Variants in LARGE1 observed in about 807,000 individuals in gnomAD.
The protein encoded by LARGE1 is xylosyl- and glucuronyltransferase LARGE1.
LARGE1 carries 43 observed loss-of-function variants against 87.6 expected under a neutral mutation model. That is an observed-to-expected ratio of 0.49 (90% CI 0.38 to 0.63). LARGE1 has a LOEUF of 0.63. Ranked by LOEUF, LARGE1 falls within the 30% of genes least tolerant of loss-of-function variation. The probability of loss-of-function intolerance (pLI) is 0.00; values close to 1 mark genes in which losing one functional copy is unlikely to be tolerated. For synonymous variants in LARGE1, 434 were observed against 394.6 expected (o/e 1.10, Z -1.18); for missense variants, 802 against 1,000.2 (o/e 0.80, Z 2.67).
chr22:33,465,865 C>T (rs2068586555), intron 6 of LARGE1, among the ~76,000 whole-genome samples: 2 of 152,322 alleles, frequency 1.3e-5, no homozygotes, highest in African/African-American at 2.4e-5. Flanking sequence ...CCCTATCATG[C>T]TAACTCCAAA....
chr22:33,250,274 A>T (rs1012769148), intron 11 of LARGE1, among the ~76,000 whole-genome samples: 4 of 152,190 alleles, frequency 2.6e-5, no homozygotes, highest in Admixed American at 2.0e-4. Flanking sequence ...TTCATTTTAA[A>T]GGTGTTAATG....
chr22:33,872,518 C>T (rs983135131), intron 1 of LARGE1, among the ~76,000 whole-genome samples: 1 of 151,940 alleles, frequency 6.6e-6, no homozygotes, highest in Non-Finnish European at 1.5e-5. Context: ...CCACCAACAC[C>T]GCCACCCCCC....
chr22:33,252,999 G>T (rs2145722458), intron 11 of LARGE1, among the ~76,000 whole-genome samples: 1 of 152,248 alleles, frequency 6.6e-6, no homozygotes, highest in African/African-American at 2.4e-5. Flanking sequence ...TTTTAGTCTG[G>T]GCTGGCCATT....
chr22:33,551,486 C>T (rs183276835), intron 6 of LARGE1, among the ~76,000 whole-genome samples: 1 of 152,314 alleles, frequency 6.6e-6, no homozygotes, highest in East Asian at 1.9e-4. Context: ...TGGCCTGTTG[C>T]TTATGGAGAG....
chr22:33,429,578 C>T lies in LARGE1; in HGVS notation c.892+2583G>A, dbSNP rs73882224. Among the ~76,000 whole-genome samples, 656 of 152,260 alleles carry T rather than the reference C, an allele frequency of 4.3e-3. 7 individuals are homozygous for T. Among genetic ancestry groups the T allele is most frequent in the African/African-American group, 0.015 (624 of 41,556 alleles). ...TCTGCAAACCCGGATTGATGACCAG[C>T]GGCTTTTGTTTTACGCAGGAAACCG... On this transcript the variant is annotated intron_variant, in intron 7 of 14. Coordinates refer to ENST00000397394, the MANE Select transcript of LARGE1 (RefSeq NM_133642.5).
intron 4 of LARGE1, among the ~76,000 whole-genome samples, chr22:33,623,705 TAAAAAAAAAAA>T (rs36005583): frequency 7.5e-6 from 1 of 133,518 alleles, no homozygotes; most frequent in Non-Finnish European, 1.6e-5. Flanking sequence ...TTAACTGATT[TAAAAAAAAAAA>T]AAAAAAAAAC....
chr22:33,572,186 T>C, intron 5 of LARGE1: 1 of 1,289,708 alleles, frequency 7.8e-7, no homozygotes, highest in Non-Finnish European at 1.0e-6. Flanking sequence ...CACCTTGACA[T>C]ATTTTAAAAA....
chr22:33,712,017 A>T (rs927882003), intron 2 of LARGE1, among the ~76,000 whole-genome samples: 2 of 152,138 alleles, frequency 1.3e-5, no homozygotes, highest in African/African-American at 4.8e-5. Flanking sequence ...AAATAAAGGT[A>T]AGAGCTAACG....
chr22:33,148,618 T>G, the LARGE1 span, among the ~76,000 whole-genome samples: 1 of 152,204 alleles, frequency 6.6e-6, no homozygotes, highest in African/African-American at 2.4e-5. Context: ...ATATAAAATG[T>G]ATATATACAG....
intron 7 of LARGE1, among the ~76,000 whole-genome samples, chr22:33,426,805 G>A (rs1284779824): frequency 6.6e-6 from 1 of 152,088 alleles, no homozygotes; most frequent in Admixed American, 6.6e-5. Context: ...CTAATTTGGG[G>A]GCTGAATGAA....
At chr22:33,813,616 C>T (rs1450599295) in intron 1 of LARGE1, among the ~76,000 whole-genome samples, 1 of 152,146 alleles carries the variant, frequency 6.6e-6, no homozygotes, top group African/African-American at 2.4e-5. Context: ...TGTTCGGCCT[C>T]GGCTGTGGGC....
At position 33,384,318 on chromosome 22, in the gene LARGE1, C is replaced by T. The variant is rs539632980; in HGVS notation, c.893-14G>A. 4 of 1,584,628 alleles carry T rather than the reference C, an allele frequency of 2.5e-6. No homozygotes were observed. Among genetic ancestry groups the T allele is most frequent in the African/African-American group, 2.7e-5 (2 of 74,250 alleles). On this transcript the variant is annotated splice_polypyrimidine_tract_variant and intron_variant, in intron 7 of 14. Transcript: ENST00000397394. The stretch of plus-strand genomic sequence containing the variant: ...ACAGGATCACCCCTGGGCAACAGCA[C>T]AGGATAAAAGAGAAAATTAAAAAAT...
chr22:33,222,268 C>T (rs1925492861), intron 11 of LARGE1, among the ~76,000 whole-genome samples: 1 of 152,180 alleles, frequency 6.6e-6, no homozygotes, highest in Non-Finnish European at 1.5e-5. Context: ...AGTGCTCCAA[C>T]AGGAGAGACA....
intron 6 of LARGE1, among the ~76,000 whole-genome samples, chr22:33,557,732 A>C (rs1396476024): frequency 6.6e-6 from 1 of 151,950 alleles, no homozygotes; most frequent in Non-Finnish European, 1.5e-5. Context: ...TGCCTGGCTA[A>C]TTTTTTATAT....
intron 1 of LARGE1, among the ~76,000 whole-genome samples, chr22:33,771,378 C>T (rs936539634): frequency 4.6e-5 from 7 of 152,082 alleles, no homozygotes; most frequent in African/African-American, 1.2e-4. Flanking sequence ...GGTAGGAAAT[C>T]ACACTCTCAG....
the LARGE1 span, among the ~76,000 whole-genome samples, chr22:33,104,919 CTTTCTTTCTTTCTT>C: frequency 2.0e-5 from 2 of 102,524 alleles, no homozygotes; most frequent in Admixed American, 9.4e-5. Flanking sequence ...TTCTTTCTTT[CTTTCTTTCTTTCTT>C]TCTTTCTTTC....
chr22:33,553,161 C>T (rs944814118), intron 6 of LARGE1, among the ~76,000 whole-genome samples: 2 of 152,104 alleles, frequency 1.3e-5, no homozygotes, highest in Non-Finnish European at 2.9e-5. Context: ...AGAACCTCTC[C>T]CATCCTGAAC....
At chr22:33,091,926 G>A in the LARGE1 span, among the ~76,000 whole-genome samples, 1 of 152,104 alleles carries the variant, frequency 6.6e-6, no homozygotes, top group Non-Finnish European at 1.5e-5. Context: ...TTGAGATGGA[G>A]TCTCACTCTG....
chr22:33,150,033 A>C, the LARGE1 span, among the ~76,000 whole-genome samples: 1 of 152,248 alleles, frequency 6.6e-6, no homozygotes, highest in Non-Finnish European at 1.5e-5. Context: ...GTTTTTAAAA[A>C]TAAAAGTAGA....
Sources: gnomAD v4.1 joint callset for allele counts (sites outside exome capture counted in the v4.1 genomes callset) on GRCh38, gnomAD v4.1.1 for gene constraint, MANE v1.5 for transcripts, NCBI Gene and HGNC (gene_info 2026-07-23, HGNC 2026-07-21) for gene names.